ETV6: variants seen among roughly 807,000 people sequenced by gnomAD.
The protein encoded by ETV6 is ETS variant transcription factor 6.
A neutral mutation model predicts 51.1 loss-of-function variants in ETV6; 16 were observed. The ratio of observed to expected loss-of-function variants is 0.31; its 90% confidence interval spans 0.21 to 0.48. The LOEUF (loss-of-function observed/expected upper bound fraction) is 0.48, where lower values mean the gene tolerates loss of function less well. Among genes scored for constraint, ETV6 ranks in the 20% least tolerant of loss-of-function variants. The probability of loss-of-function intolerance (pLI) is 0.99; values close to 1 mark genes in which losing one functional copy is unlikely to be tolerated. For synonymous variants in ETV6, 240 were observed against 224.1 expected (o/e 1.07, Z -0.64); for missense variants, 458 against 594.8 (o/e 0.77, Z 2.39).
intron 5 of ETV6, among the ~76,000 whole-genome samples, chr12:11,874,260 C>T (rs1418658476): frequency 6.6e-6 from 1 of 151,700 alleles, no homozygotes; most frequent in African/African-American, 2.4e-5. Flanking sequence ...ACCTGTAGTC[C>T]CAGCTACCGA....
intron 1 of ETV6, 81 bp from the exon 2 acceptor site, chr12:11,752,369 C>A (rs1378872577): frequency 6.6e-7 from 1 of 1,508,550 alleles, no homozygotes; most frequent in East Asian, 2.3e-5. Context: ...TTGCTCCCCA[C>A]CCCGAGATGG....
chr12:11,771,313 T>C (rs1945239047), intron 2 of ETV6, among the ~76,000 whole-genome samples: 1 of 152,262 alleles, frequency 6.6e-6, no homozygotes, highest in Admixed American at 6.5e-5. Flanking sequence ...GAGCCATTGC[T>C]GTGTGTCAAC....
At chr12:11,716,225 G>A (rs1865274162) in intron 1 of ETV6, among the ~76,000 whole-genome samples, 3 of 150,840 alleles carry the variant, frequency 2.0e-5, no homozygotes, top group African/African-American at 7.3e-5. Context: ...CAGCTACTCG[G>A]GAGGCTGAGG....
At chr12:11,718,512 T>C (rs1482235150) in intron 1 of ETV6, among the ~76,000 whole-genome samples, 1 of 150,816 alleles carries the variant, frequency 6.6e-6, no homozygotes, top group Non-Finnish European at 1.5e-5. Context: ...ACTCCTGAAA[T>C]CCTAGCACTT....
chr12:11,777,113 G>A (rs1945338248), intron 2 of ETV6, among the ~76,000 whole-genome samples: 1 of 151,926 alleles, frequency 6.6e-6, no homozygotes, highest in Non-Finnish European at 1.5e-5. Context: ...GGTGGCAGGT[G>A]CCTGTAGTCC....
intron 1 of ETV6, among the ~76,000 whole-genome samples, chr12:11,732,801 A>T (rs112420116): frequency 6.6e-6 from 1 of 152,178 alleles, no homozygotes; most frequent in African/African-American, 2.4e-5. Flanking sequence ...CTCCATTTCA[A>T]TTGCCCAATT....
At chr12:11,753,309 C>T (rs76958406) in intron 2 of ETV6, among the ~76,000 whole-genome samples, 8,904 of 152,222 alleles carry the variant, frequency 0.058, 410 homozygotes, top group East Asian at 0.21. Context: ...CCTCCAAAGC[C>T]GTTGACACCT....
intron 1 of ETV6, among the ~76,000 whole-genome samples, chr12:11,697,660 G>T (rs763268223): frequency 2.0e-5 from 3 of 152,204 alleles, no homozygotes; most frequent in Admixed American, 2.0e-4. Flanking sequence ...AAGGGCAGGG[G>T]ATGTTACTGT....
At chr12:11,656,045 C>T (rs537238766) in intron 1 of ETV6, among the ~76,000 whole-genome samples, 4 of 152,186 alleles carry the variant, frequency 2.6e-5, no homozygotes, top group African/African-American at 7.2e-5. Context: ...CCTCTTCCTC[C>T]TCCTCTTCTT....
chr12:11,708,467 G>T (rs1211841049), intron 1 of ETV6, among the ~76,000 whole-genome samples: 2 of 152,174 alleles, frequency 1.3e-5, no homozygotes, highest in Non-Finnish European at 2.9e-5. Flanking sequence ...TGGAGCTGAG[G>T]TGCCACCTCC....
In ETV6 at chr12:11,790,208, T is replaced by C. The variant is rs532138952; in HGVS notation, c.163+37629T>C. On this transcript the variant is annotated intron_variant, in intron 2 of 7. Transcript: ENST00000396373. ...TTTGTTTCATAGTTGCAATATCTTA[T>C]TTCTCTCTGGATGATATTTTTCTTT... Among the ~76,000 whole-genome samples, 3 of 152,308 alleles carry C rather than the reference T, an allele frequency of 2.0e-5. No homozygotes were observed. The South Asian group carries it at 6.2e-4, about 32-fold the overall frequency.
chr12:11,748,166 G>A lies in ETV6; in HGVS notation c.34-4284G>A, dbSNP rs565691865. On this transcript the variant is annotated intron_variant, in intron 1 of 7. Transcript: ENST00000396373. ...GTGATGGGACACCGAAGTGCAATGG[G>A]ATGAAAGCATGCCTGTGGCATTTTT... Among the ~76,000 whole-genome samples the A allele has an allele frequency of 5.0e-4, 76 of 152,312 alleles. 1 individual carries two copies. Among genetic ancestry groups the A allele is most frequent in the African/African-American group, 1.0e-3 (43 of 41,562 alleles).
At chr12:11,866,379 C>T (rs1433394196) in intron 4 of ETV6, among the ~76,000 whole-genome samples, 1 of 152,122 alleles carries the variant, frequency 6.6e-6, no homozygotes, top group East Asian at 1.9e-4. Flanking sequence ...GCCTTTCCTC[C>T]TTATTATGAG....
chr12:11,850,026 T>C (rs1465614207), intron 3 of ETV6, among the ~76,000 whole-genome samples: 1 of 152,202 alleles, frequency 6.6e-6, no homozygotes, highest in African/African-American at 2.4e-5. Context: ...GCCACACTCC[T>C]GGGTCTTAGA....
intron 1 of ETV6, among the ~76,000 whole-genome samples, chr12:11,720,345 A>G (rs1402674674): frequency 6.6e-6 from 1 of 152,178 alleles, no homozygotes. Context: ...GGAGAGGCAA[A>G]GGCAACTCTG....
chr12:11,775,244 G>A (rs1393158250), intron 2 of ETV6, among the ~76,000 whole-genome samples: 2 of 152,226 alleles, frequency 1.3e-5, no homozygotes, highest in African/African-American at 4.8e-5. Flanking sequence ...ATGACTGGAT[G>A]GCGGCAGCAG....
intron 1 of ETV6, among the ~76,000 whole-genome samples, chr12:11,732,539 C>G (rs1865620194): frequency 6.6e-6 from 1 of 152,194 alleles, no homozygotes; most frequent in Admixed American, 6.5e-5. Flanking sequence ...CAAGTACAAA[C>G]CTTTTCACCG....
At chr12:11,857,072 C>G (rs546947953) in intron 4 of ETV6, among the ~76,000 whole-genome samples, 1 of 152,234 alleles carries the variant, frequency 6.6e-6, no homozygotes, top group Non-Finnish European at 1.5e-5. Context: ...CATGCACGGT[C>G]AAGTGCAAAC....
At chr12:11,886,274 G>A (rs1209971125) in intron 7 of ETV6, among the ~76,000 whole-genome samples, 1 of 152,176 alleles carries the variant, frequency 6.6e-6, no homozygotes, top group Non-Finnish European at 1.5e-5. Context: ...AAATAACGCA[G>A]TGACCAAATA....
Sources: allele counts gnomAD v4.1 joint callset (sites outside exome capture counted in the v4.1 genomes callset), GRCh38; gene constraint gnomAD v4.1.1; transcripts MANE v1.5; gene names NCBI Gene and HGNC (gene_info 2026-07-23, HGNC 2026-07-21).